The following ATIC variants were observed in gnomAD, a reference collection of about 807,000 sequenced individuals.
The protein encoded by ATIC is bifunctional purine biosynthesis protein ATIC.
A neutral mutation model predicts 72.5 loss-of-function variants in ATIC; 64 were observed. That is an observed-to-expected ratio of 0.88 (90% CI 0.72 to 1.09). The LOEUF (loss-of-function observed/expected upper bound fraction) is 1.09. ATIC is among the 50% of genes least tolerant of loss of function. The pLI is 0.00. For synonymous variants in ATIC, 281 were observed against 267.1 expected (o/e 1.05, Z -0.51); for missense variants, 787 against 732.4 (o/e 1.07, Z -0.86).
intron 14 of ATIC, 142 bp downstream of exon 14, chr2:215,347,083 C>A: frequency 9.1e-7 from 1 of 1,097,618 alleles, no homozygotes; most frequent in Non-Finnish European, 1.3e-6. Context: ...ATCATTGAAA[C>A]TTCTTACACA....
rs138540592 is a variant in ATIC, at chr2:215,349,132, A to G, written c.1542A>G (p.Glu514=). The G allele has an allele frequency of 1.7e-5, 28 of 1,614,128 alleles. No homozygotes were observed. In the Admixed American group the frequency reaches 2.2e-4, roughly 12 times the overall value. ...TAAAGTGGAAGGCACTGTTTGAGGA[A>G]GTCCCTGAGTTACTCACTGAGGCAG... ...DLIKWKALFE[E]VPELLTEAEK... The change falls in exon 15 of 16, where the codon GAA becomes GAG. Residue 514 remains glutamate, a synonymous_variant. Coordinates refer to ENST00000236959, the MANE Select transcript of ATIC (RefSeq NM_004044.7).
the ATIC span, chr2:215,362,683 C>A: frequency 6.4e-6 from 1 of 155,338 alleles, no homozygotes; most frequent in Non-Finnish European, 1.4e-5. Context: ...CCGGAGATGG[C>A]ATGGGAGATG....
intron 12 of ATIC, among the ~76,000 whole-genome samples, chr2:215,341,375 T>A (rs1039569998): frequency 1.3e-5 from 2 of 152,206 alleles, no homozygotes; most frequent in Non-Finnish European, 2.9e-5. Flanking sequence ...TTTGTAGATA[T>A]TGGATTCATT....
intron 5 of ATIC, 140 bp from the exon 6 acceptor site, chr2:215,325,847 T>A: frequency 1.9e-6 from 2 of 1,042,230 alleles, no homozygotes; most frequent in Non-Finnish European, 2.8e-6. Context: ...ATTCCAGGCA[T>A]GAGCCACTGC....
At chr2:215,333,155 G>T (rs1017060849) in intron 8 of ATIC, among the ~76,000 whole-genome samples, 195 bp from the exon 9 acceptor site, 11 of 152,164 alleles carry the variant, frequency 7.2e-5, no homozygotes, top group African/African-American at 2.2e-4. Flanking sequence ...GCAGAGAGGA[G>T]ATTTCCCTCA....
intron 2 of ATIC, among the ~76,000 whole-genome samples, chr2:215,317,094 A>G (rs746955437): frequency 6.6e-6 from 1 of 152,058 alleles, no homozygotes; most frequent in Non-Finnish European, 1.5e-5. Context: ...TATTGTGGGC[A>G]TTTTTACACA....
intron 2 of ATIC, among the ~76,000 whole-genome samples, chr2:215,312,908 G>A (rs921718193): frequency 7.2e-5 from 11 of 152,152 alleles, no homozygotes. Flanking sequence ...AGACCAGCCT[G>A]GCCAACATGG....
intron 2 of ATIC, 46 bp downstream of exon 2, chr2:215,312,670 C>T (rs1395085485): frequency 1.2e-6 from 2 of 1,613,836 alleles, no homozygotes; most frequent in Non-Finnish European, 1.7e-6. Context: ...ATCACATTAA[C>T]CAGGAAGTAT....
At position 215,344,759 on chromosome 2, in the gene ATIC, C is replaced by G. The variant is rs1694341370; in HGVS notation, c.1228-20C>G. ...AGTTTAAAAGGCCCCATGCAATTTA[C>G]CATTGTGTATGTGTTTCAGTTGCCA... On this transcript the variant is annotated intron_variant, in intron 12 of 15. Coordinates refer to ENST00000236959, the MANE Select transcript of ATIC (RefSeq NM_004044.7). The G allele has an allele frequency of 1.2e-6, 2 of 1,607,678 alleles. No homozygotes were observed.
At chr2:215,359,996 T>C in the ATIC span, among the ~76,000 whole-genome samples, 4 of 152,206 alleles carry the variant, frequency 2.6e-5, no homozygotes, top group African/African-American at 4.8e-5. Flanking sequence ...TGGAGTTCAA[T>C]GGCACAATCT....
intron 12 of ATIC, among the ~76,000 whole-genome samples, chr2:215,344,057 G>A (rs2053046911): frequency 6.6e-6 from 1 of 152,164 alleles, no homozygotes; most frequent in South Asian, 2.1e-4. Context: ...GCATCATAAC[G>A]ATTTGTGATG....
intron 11 of ATIC, among the ~76,000 whole-genome samples, chr2:215,337,829 T>C (rs2052973239): frequency 6.6e-6 from 1 of 152,206 alleles, no homozygotes; most frequent in Non-Finnish European, 1.5e-5. Flanking sequence ...GTCAAAGGAA[T>C]ATCAGGACTT....
chr2:215,359,331 C>G, the ATIC span, among the ~76,000 whole-genome samples: 3 of 152,174 alleles, frequency 2.0e-5, no homozygotes, highest in African/African-American at 4.8e-5. Context: ...GCCTGCTTTA[C>G]CAGCTCACCT....
At chr2:215,362,712 G>A in the ATIC span, 19 of 154,238 alleles carry the variant, frequency 1.2e-4, no homozygotes, top group African/African-American at 4.6e-4. Context: ...ACCAAGCTGA[G>A]CCAGTGAGGC....
At chr2:215,332,062 T>A (rs1055093223) in intron 7 of ATIC, among the ~76,000 whole-genome samples, 2 of 152,078 alleles carry the variant, frequency 1.3e-5, no homozygotes, top group African/African-American at 2.4e-5. Context: ...AGTCTTGTCA[T>A]AGTTTCTCCC....
chr2:215,326,681 A>G (rs2052830362), intron 6 of ATIC, 141 bp from the exon 7 acceptor site: 1 of 991,916 alleles, frequency 1.0e-6, no homozygotes, highest in East Asian at 2.4e-5. Context: ...CTTTGCTGTC[A>G]TTCATGGTGT....
At chr2:215,328,824 T>TCTCCTGC (rs1431408262) in intron 7 of ATIC, among the ~76,000 whole-genome samples, 1 of 151,986 alleles carries the variant, frequency 6.6e-6, no homozygotes, top group East Asian at 1.9e-4. Flanking sequence ...TTGAAGTGAT[T>TCTCCTGC]CTCCTGCCTC....
At chr2:215,364,808 C>T in the ATIC span, 12 of 1,011,898 alleles carry the variant, frequency 1.2e-5, no homozygotes, top group East Asian at 2.6e-5. Context: ...CCTGTGTGTA[C>T]GACACATCCT....
rs550105596 is a variant in ATIC at position 215,346,033 on chromosome 2, A to G, written c.1321-726A>G. 2.0e-5 allele frequency among the ~76,000 whole-genome samples: 3 copies of G among 152,358 alleles called. No homozygotes were observed. The East Asian group carries it at 5.8e-4, about 29-fold the overall frequency. ...ACCTGGCGGAATTGTTTCTACTTTT[A>G]GCTACCCATGTCAGATCCTTATCTC... On this transcript the variant is annotated intron_variant, in intron 13 of 15. Coordinates refer to ENST00000236959, the MANE Select transcript of ATIC (RefSeq NM_004044.7).
Sources: allele counts gnomAD v4.1 joint callset (sites outside exome capture counted in the v4.1 genomes callset), GRCh38; gene constraint gnomAD v4.1.1; transcripts MANE v1.5; gene names NCBI Gene and HGNC (gene_info 2026-07-23, HGNC 2026-07-21).